The following CUL3 variants were observed in gnomAD, a reference collection of about 807,000 sequenced individuals.
The protein encoded by CUL3 is cullin 3, also known as cullin-3.
In CUL3, 19 loss-of-function variants were observed where a neutral mutation model predicts 89.1. That is an observed-to-expected ratio of 0.21 (90% CI 0.15 to 0.31). The LOEUF (loss-of-function observed/expected upper bound fraction) is 0.31, where lower values mean the gene tolerates loss of function less well. CUL3 is among the 10% of genes least tolerant of loss of function. The pLI is 1.00. For missense variants in CUL3, 469 were observed against 942.3 expected, an observed-to-expected ratio of 0.50 and a Z score of 6.58; for synonymous variants, 351 against 308.4, an observed-to-expected ratio of 1.14 and a Z score of -1.45.
chr2:224,553,801 T>A (rs185125250), intron 2 of CUL3, among the ~76,000 whole-genome samples: 2 of 152,198 alleles, frequency 1.3e-5, no homozygotes, highest in Admixed American at 6.5e-5. Context: ...AGCACCTTGA[T>A]CTTGGACTTC....
intron 2 of CUL3, among the ~76,000 whole-genome samples, chr2:224,554,155 C>G (rs529120199): frequency 6.6e-6 from 1 of 152,114 alleles, no homozygotes; most frequent in African/African-American, 2.4e-5. Flanking sequence ...CACCTGTGCC[C>G]AAGGTTTAAA....
At chr2:224,475,769 C>G (rs1691295451) in intron 15 of CUL3, among the ~76,000 whole-genome samples, 1 of 152,156 alleles carries the variant, frequency 6.6e-6, no homozygotes, top group Non-Finnish European at 1.5e-5. Context: ...CTCTTGAAAG[C>G]TGCACTCTCA....
intron 5 of CUL3, among the ~76,000 whole-genome samples, chr2:224,513,213 G>C (rs996606967): frequency 6.6e-6 from 1 of 152,040 alleles, no homozygotes; most frequent in Non-Finnish European, 1.5e-5. Context: ...AAGTTTTTGG[G>C]GAGTCAAAAG....
chr2:224,506,966 T>C lies in CUL3; in HGVS notation c.921A>G (p.Pro307=). ...GCMYKLFSRV[P]NGLKTMCECM... is the part of the protein sequence containing the mutation. ...ACTCACACATTGTTTTCAAACCATT[T>C]GGCACACGACTAAATAACTTGTACA... Residue 307 remains proline (P), a synonymous_variant, in exon 7 of 16, where the codon CCA becomes CCG. Transcript: ENST00000264414. The C allele has an allele frequency of 6.2e-7, 1 of 1,613,616 alleles. No individual in the cohort carries two copies. The highest frequency in any genetic ancestry group is 8.5e-7 in the Non-Finnish European group (1 of 1,179,726).
At chr2:224,491,976 C>A (rs1311199594) in intron 13 of CUL3, among the ~76,000 whole-genome samples, 2 of 152,168 alleles carry the variant, frequency 1.3e-5, no homozygotes, top group Non-Finnish European at 2.9e-5. Context: ...GTGCATTATT[C>A]TTTCAATACA....
At chr2:224,555,780 T>C (rs1694675725) in intron 2 of CUL3, among the ~76,000 whole-genome samples, 1 of 152,234 alleles carries the variant, frequency 6.6e-6, no homozygotes, top group Non-Finnish European at 1.5e-5. Flanking sequence ...CAATTCAATT[T>C]CATTCTTTCC....
At chr2:224,528,855 C>T (rs1482396520) in intron 3 of CUL3, among the ~76,000 whole-genome samples, 1 of 151,982 alleles carries the variant, frequency 6.6e-6, no homozygotes. Flanking sequence ...AATACCTTTG[C>T]TGCAAAGGTA....
chr2:224,564,803 G>C (rs1222120794), intron 1 of CUL3, among the ~76,000 whole-genome samples: 1 of 151,948 alleles, frequency 6.6e-6, no homozygotes, highest in East Asian at 1.9e-4. Context: ...TCCAGACACA[G>C]ATCAAACTTA....
intron 14 of CUL3, 157 bp from the exon 15 acceptor site, chr2:224,478,502 AATG>A: frequency 1.1e-5 from 6 of 542,996 alleles, no homozygotes; most frequent in South Asian, 3.9e-5. Flanking sequence ...AAACTGTCTT[AATG>A]TTTACTTGAA....
intron 1 of CUL3, among the ~76,000 whole-genome samples, chr2:224,566,142 G>C (rs182389152): frequency 2.6e-4 from 40 of 152,212 alleles, no homozygotes; most frequent in African/African-American, 8.9e-4. Flanking sequence ...CTTCAGTTTT[G>C]AAGAACTCAT....
chr2:224,478,172 T>C (rs779597754), intron 15 of CUL3, 28 bp downstream of exon 15: 6 of 1,560,434 alleles, frequency 3.8e-6, no homozygotes, highest in East Asian at 2.3e-5. Flanking sequence ...GTTTTTTCTA[T>C]ATTAGCCCAG....
chr2:224,491,547 T>C (rs1317565219), intron 13 of CUL3, among the ~76,000 whole-genome samples: 6 of 152,230 alleles, frequency 3.9e-5, no homozygotes, highest in Non-Finnish European at 8.8e-5. Flanking sequence ...CTGATACTTA[T>C]GAATTTCATT....
rs1691698045 is a variant in CUL3, at chr2:224,485,810, G to C, written c.1843-3732C>G. On this transcript the variant is annotated intron_variant, in intron 13 of 15. Transcript: ENST00000264414. The surrounding 1 kb of genome is among the most constrained non-coding windows in gnomAD (Gnocchi z 4.1). ...GGGTCCGTGTCCCCCATGCCTCCCTGACAGGAGACACCTCCCAGCAGGGGT... is the reference window on the plus strand; with the variant it reads ...GGGTCCGTGTCCCCCATGCCTCCCTCACAGGAGACACCTCCCAGCAGGGGT... Among the ~76,000 whole-genome samples the C allele has an allele frequency of 6.6e-6, 1 of 152,206 alleles. No individual in the cohort carries two copies. Among genetic ancestry groups the C allele is most frequent in the Non-Finnish European group, 1.5e-5 (1 of 68,034 alleles).
intron 3 of CUL3, among the ~76,000 whole-genome samples, chr2:224,522,827 C>CAAAAAAAAA (rs777324032): frequency 0.079 from 11,496 of 145,882 alleles, 753 homozygotes; most frequent in African/African-American, 0.18. Flanking sequence ...GACACCGTCT[C>CAAAAAAAAA]AAAAAAACAA....
chr2:224,550,765 T>C (rs912392136), intron 2 of CUL3, among the ~76,000 whole-genome samples: 5 of 152,244 alleles, frequency 3.3e-5, no homozygotes, highest in Non-Finnish European at 7.3e-5. Flanking sequence ...ACTACACTAG[T>C]GTAAATCATC....
chr2:224,561,591 T>C (rs759338311), intron 1 of CUL3, among the ~76,000 whole-genome samples: 41 of 151,790 alleles, frequency 2.7e-4, no homozygotes, highest in Non-Finnish European at 1.2e-4. Flanking sequence ...ACAGAACAAT[T>C]TCTTTTCTTT....
At position 224,503,377 on chromosome 2, in the gene CUL3, G is replaced by T. The variant is rs11891432; in HGVS notation, c.1377+275C>A. 0.18 allele frequency among the ~76,000 whole-genome samples: 28,081 copies of T among 152,070 alleles called. 2,938 individuals are homozygous for T. Among genetic ancestry groups the T allele is most frequent in the South Asian group, 0.27 (1,304 of 4,822 alleles). On this transcript the variant is annotated intron_variant, in intron 9 of 15. Transcript: ENST00000264414. ...ACACTTTGTGAAAAAGAACTACACA[G>T]CATAGCCTCTTTATTGTTTCCCTTT... is the stretch of plus-strand genomic sequence containing the variant.
chr2:224,585,176 G>GGGCGGC lies in CUL3; in HGVS notation c.-173_-168dup, dbSNP rs552925358. 40 of 261,200 alleles carry GGGCGGC rather than the reference G, an allele frequency of 1.5e-4. No homozygotes were observed. The highest frequency in any genetic ancestry group is 1.2e-3 in the South Asian group (8 of 6,934). 16.2% of individuals were successfully genotyped at this position (261,200 alleles called of 1,614,324 possible). A position where few individuals can be genotyped will look rare whatever the true frequency, so the allele number is the denominator to read the frequency against. ...CCCTGGGCAGCCGCGGCGGCGGCGG[G>GGGCGGC]GGCGGCGGCGGCGGCGGCGGCGGCT... On this transcript the variant is annotated 5_prime_UTR_variant, in exon 1 of 16. Transcript: ENST00000264414.
In CUL3 at chr2:224,474,070, C is replaced by CA. The variant is rs1691226272; in HGVS notation, c.*174dup. On this transcript the variant is annotated 3_prime_UTR_variant, in exon 16 of 16. Transcript: ENST00000264414. The stretch of plus-strand genomic sequence containing the variant: ...GATAAACGTTGTAAAGCCTGAAGCT[C>CA]AATCAACTGATGTTGGAAACTCTCA... 1 of 537,646 alleles carries CA rather than the reference C, an allele frequency of 1.9e-6. No individual in the cohort carries two copies. The highest frequency in any genetic ancestry group is 4.0e-5 in the South Asian group (1 of 24,952). The allele number at this position is 537,646 out of a possible 1,614,324, so 33.3% of individuals were successfully genotyped here. A position where few individuals can be genotyped will look rare whatever the true frequency, so the allele number is the denominator to read the frequency against.
Sources: gnomAD v4.1 joint callset for allele counts (sites outside exome capture counted in the v4.1 genomes callset) on GRCh38, gnomAD v4.1.1 for gene constraint, Gnocchi (gnomAD v3.1) non-coding constraint, MANE v1.5 for transcripts, NCBI Gene and HGNC (gene_info 2026-07-23, HGNC 2026-07-21) for gene names.